The following GLIS2 variants were observed in gnomAD, a reference collection of about 807,000 sequenced individuals.
GLIS2 encodes zinc finger protein GLIS2.
Under a neutral mutation model 35.6 loss-of-function variants are expected in GLIS2, and 14 were observed. The observed-to-expected ratio is 0.39, with a 90% CI of 0.26 to 0.61. The LOEUF is 0.61. Among genes scored for constraint, GLIS2 ranks in the 20% least tolerant of loss-of-function variants. GLIS2 has a pLI of 0.48. For missense variants in GLIS2, 675 were observed against 713.4 expected, an observed-to-expected ratio of 0.95 and a Z score of 0.61; for synonymous variants, 368 against 325.1, an observed-to-expected ratio of 1.13 and a Z score of -1.42.
chr16:4,337,217 C>T lies in GLIS2; in HGVS notation c.1268C>T (p.Ala423Val). 1 of 1,547,588 alleles carries T rather than the reference C, an allele frequency of 6.5e-7. No individual in the cohort carries two copies. The highest frequency in any genetic ancestry group is 2.4e-5 in the East Asian group (1 of 40,930). ...KNPLLPSPFG[A>V]GGLGLPVVSL... ...CCGCTGCTGCCCTCGCCCTTTGGGG[C>T]TGGCGGACTGGGCTTGCCTGTGGTC... Residue 423 changes from alanine to valine, a missense_variant, in exon 7 of 7, where the codon GCT becomes GTT. Physicochemically the swap from Ala to Val is moderately conservative, Grantham distance 64. This residue lies in a region of GLIS2 where 317 missense variants were observed against 283.2 expected (regional missense o/e 1.12). Coordinates refer to ENST00000433375, the MANE Select transcript of GLIS2 (RefSeq NM_032575.3).
upstream of GLIS2, among the ~76,000 whole-genome samples, chr16:4,315,804 C>G (rs1325264994): frequency 6.6e-6 from 1 of 150,448 alleles, no homozygotes; most frequent in Non-Finnish European, 1.5e-5. Flanking sequence ...CGGCCCAGCG[C>G]CGGCTCCCGC....
chr16:4,333,620 TACCCCTC>T, intron 3 of GLIS2, 101 bp downstream of exon 3: 1 of 1,281,046 alleles, frequency 7.8e-7, no homozygotes, highest in Non-Finnish European at 1.1e-6. Context: ...ACAGATGTGT[TACCCCTC>T]ATAATTCTGG....
chr16:4,330,485 G>A (rs1015203124), intron 1 of GLIS2, among the ~76,000 whole-genome samples: 6 of 152,126 alleles, frequency 3.9e-5, no homozygotes, highest in African/African-American at 1.2e-4. Flanking sequence ...CCCTGGTGGC[G>A]ACCCAGCGCC....
intron 1 of GLIS2, among the ~76,000 whole-genome samples, chr16:4,319,054 G>A (rs532071574): frequency 1.1e-3 from 160 of 152,246 alleles, no homozygotes; most frequent in African/African-American, 3.6e-3. Context: ...GGCTGCCTCC[G>A]AAGGTTCCTG....
Position 4,338,021 on chromosome 16 carries a change from T to A in GLIS2, c.*497T>A. The A allele has an allele frequency of 4.8e-6, 1 of 207,774 alleles. No homozygotes were observed. Among genetic ancestry groups the A allele is most frequent in the Non-Finnish European group, 9.8e-6 (1 of 101,598 alleles). The allele number at this position is 207,774 out of a possible 1,614,324, so 12.9% of individuals were successfully genotyped here. A position where few individuals can be genotyped will look rare whatever the true frequency, so the allele number is the denominator to read the frequency against. The stretch of plus-strand genomic sequence containing the variant: ...CCCAGCCCCTGCCCTGGGGGCTCCT[T>A]GGACCCCTTTCCCTCTGACCCTGCC... On this transcript the variant is annotated 3_prime_UTR_variant, in exon 7 of 7. Coordinates refer to ENST00000433375, the MANE Select transcript of GLIS2 (RefSeq NM_032575.3).
In GLIS2 at chr16:4,332,075, C is replaced by T. The variant is rs996403932; in HGVS notation, c.-66-140C>T. On this transcript the variant is annotated intron_variant, in intron 1 of 6. Transcript: ENST00000433375. The surrounding 1 kb of genome is among the most constrained non-coding windows in gnomAD (Gnocchi z 5.4). The stretch of plus-strand genomic sequence containing the variant: ...CTCTCCCCCCATGATAGCTGCCGGC[C>T]AGGTCGCTCGGAGGGTCTCCCTACC... The T allele has an allele frequency of 1.5e-6, 1 of 666,542 alleles. No individual in the cohort carries two copies. The highest frequency in any genetic ancestry group is 2.7e-6 in the Non-Finnish European group (1 of 373,298). The allele number at this position is 666,542 out of a possible 1,614,324, so 41.3% of individuals were successfully genotyped here.
chr16:4,318,907 T>C (rs1030937545), intron 1 of GLIS2, among the ~76,000 whole-genome samples: 13 of 152,300 alleles, frequency 8.5e-5, no homozygotes, highest in African/African-American at 2.6e-4. Flanking sequence ...CGGCCAGGGT[T>C]TGGGGCAATC....
At chr16:4,324,641 C>T (rs776786817) in intron 1 of GLIS2, 8 of 152,320 alleles carry the variant, frequency 5.3e-5, no homozygotes, top group Admixed American at 2.6e-4. Context: ...GACTCATGCA[C>T]ACTGGCGACG....
In GLIS2 at chr16:4,335,948, C is replaced by T. The variant is rs939023014; in HGVS notation, c.775+555C>T. 2 of 178,076 alleles carry T rather than the reference C, an allele frequency of 1.1e-5. No individual in the cohort carries two copies. Among genetic ancestry groups the T allele is most frequent in the Non-Finnish European group, 2.4e-5 (2 of 82,722 alleles). The allele number at this position is 178,076 out of a possible 1,614,324, so 11.0% of individuals were successfully genotyped here. The stretch of plus-strand genomic sequence containing the variant: ...TGTTTTTTCCTGGTGTTTATTTCAC[C>T]CTGGCAGCACATCTCCAGGTGGAGA... On this transcript the variant is annotated intron_variant, in intron 6 of 6. Coordinates refer to ENST00000433375, the MANE Select transcript of GLIS2 (RefSeq NM_032575.3). This position sits in a 1 kb window ranked among gnomAD's most constrained non-coding sequence, Gnocchi z 4.6.
intron 1 of GLIS2, among the ~76,000 whole-genome samples, chr16:4,319,652 G>C (rs2053354773): frequency 6.6e-6 from 1 of 152,234 alleles, no homozygotes; most frequent in South Asian, 2.1e-4. Context: ...GCGTGGCTGG[G>C]GGCGGGGACT....
At chr16:4,336,573 C>T in intron 6 of GLIS2, 152 bp from the exon 7 acceptor site, 1 of 786,784 alleles carries the variant, frequency 1.3e-6, no homozygotes, top group Non-Finnish European at 2.2e-6. Context: ...GGGCAGATCT[C>T]ATGCCATGTG....
In GLIS2 at chr16:4,332,209, C is replaced by A. The variant is rs2053504151; in HGVS notation, c.-66-6C>A. On this transcript the variant is annotated splice_region_variant and splice_polypyrimidine_tract_variant and intron_variant, in intron 1 of 6. Coordinates refer to ENST00000433375, the MANE Select transcript of GLIS2 (RefSeq NM_032575.3). This position sits in a 1 kb window ranked among gnomAD's most constrained non-coding sequence, Gnocchi z 5.4. ...GTGCCACAGCACAGCTCCTGTCCTT[C>A]CCCAGGTTCCTGCGTGAAGACCAGC... 1 of 1,558,320 alleles carries A rather than the reference C, an allele frequency of 6.4e-7. No individual in the cohort carries two copies. Among genetic ancestry groups the A allele is most frequent in the Non-Finnish European group, 8.7e-7 (1 of 1,148,810 alleles).
chr16:4,321,210 C>T (rs2053375473), intron 1 of GLIS2, among the ~76,000 whole-genome samples: 1 of 152,108 alleles, frequency 6.6e-6, no homozygotes, highest in Non-Finnish European at 1.5e-5. Context: ...TGGGCCCTTC[C>T]CACCATCCCA....
At chr16:4,327,155 ATGTGCTGGGC>A (rs1174927341) in intron 1 of GLIS2, among the ~76,000 whole-genome samples, 1 of 152,118 alleles carries the variant, frequency 6.6e-6, no homozygotes, top group Non-Finnish European at 1.5e-5. Flanking sequence ...CGGCCTCCCA[ATGTGCTGGGC>A]TTACAGGCGT....
At chr16:4,315,736 A>C (rs1597329062), upstream of GLIS2, among the ~76,000 whole-genome samples, 4 of 129,120 alleles carry the variant, frequency 3.1e-5, no homozygotes, top group African/African-American at 6.1e-5. Context: ...TCCCTCCCTC[A>C]CCCCTCCCTC....
rs888364245 is a variant in GLIS2, at chr16:4,332,952, C to T, written c.173-395C>T. ...GGAAGGCTATGGGAGCAGCCCAGCC[C>T]GAACCTGCCACTTTACAGAAGGGAA... is the stretch of plus-strand genomic sequence containing the variant. On this transcript the variant is annotated intron_variant, in intron 2 of 6. Transcript: ENST00000433375. This position sits in a 1 kb window ranked among gnomAD's most constrained non-coding sequence, Gnocchi z 5.4. 2.0e-5 allele frequency among the ~76,000 whole-genome samples: 3 copies of T among 152,148 alleles called. No individual in the cohort carries two copies. Among genetic ancestry groups the T allele is most frequent in the African/African-American group, 4.8e-5 (2 of 41,434 alleles).
chr16:4,338,526 G>C lies in GLIS2; in HGVS notation c.*1002G>C, dbSNP rs1210388693. Reference sequence around the variant, plus strand: ...GGCTGGGACACAGCTCCTGGTCTGGGGGCTCCAAGTGACAGCATGCAGGGG... The same window carrying C: ...GGCTGGGACACAGCTCCTGGTCTGGCGGCTCCAAGTGACAGCATGCAGGGG... On this transcript the variant is annotated 3_prime_UTR_variant, in exon 7 of 7. Transcript: ENST00000433375. 1 of 152,642 alleles carries C rather than the reference G, an allele frequency of 6.6e-6. No homozygotes were observed. Among genetic ancestry groups the C allele is most frequent in the African/African-American group, 2.4e-5 (1 of 41,480 alleles). The allele number at this position is 152,642 out of a possible 1,614,324, so 9.5% of individuals were successfully genotyped here.
rs2053577755 is a variant in GLIS2, at chr16:4,338,012, G to C, written c.*488G>C. 1 of 219,216 alleles carries C rather than the reference G, an allele frequency of 4.6e-6. No individual in the cohort carries two copies. Among genetic ancestry groups the C allele is most frequent in the Admixed American group, 5.2e-5 (1 of 19,144 alleles). The allele number at this position is 219,216 out of a possible 1,614,324, so 13.6% of individuals were successfully genotyped here. On this transcript the variant is annotated 3_prime_UTR_variant, in exon 7 of 7. Coordinates refer to ENST00000433375, the MANE Select transcript of GLIS2 (RefSeq NM_032575.3). ...CTAGGCTTACCCAGCCCCTGCCCTG[G>C]GGGCTCCTTGGACCCCTTTCCCTCT...
chr16:4,334,175 C>T (rs1286391866), intron 3 of GLIS2, among the ~76,000 whole-genome samples: 1 of 151,272 alleles, frequency 6.6e-6, no homozygotes, highest in Non-Finnish European at 1.5e-5. Flanking sequence ...CTGACCTCAA[C>T]TGATCCGCCC....
Sources: allele counts gnomAD v4.1 joint callset (sites outside exome capture counted in the v4.1 genomes callset), GRCh38; gene constraint gnomAD v4.1.1; regional missense constraint gnomAD v4.1.1; non-coding constraint Gnocchi (gnomAD v3.1); transcripts MANE v1.5; gene names NCBI Gene and HGNC (gene_info 2026-07-23, HGNC 2026-07-21).